MLLT3: variants seen among roughly 807,000 people sequenced by gnomAD.
MLLT3 encodes MLLT3 super elongation complex subunit.
A neutral mutation model predicts 53.2 loss-of-function variants in MLLT3; 4 were observed. The ratio of observed to expected loss-of-function variants is 0.08; its 90% confidence interval spans 0.04 to 0.17. MLLT3 has a LOEUF of 0.17. Ranked by LOEUF, MLLT3 falls within the 10% of genes least tolerant of loss-of-function variation. The pLI is 1.00. For synonymous variants in MLLT3, 283 were observed against 230.6 expected, an observed-to-expected ratio of 1.23 and a Z score of -2.06; for missense variants, 569 against 684.0, an observed-to-expected ratio of 0.83 and a Z score of 1.87.
intron 3 of MLLT3, among the ~76,000 whole-genome samples, chr9:20,450,087 C>T (rs1163541272): frequency 1.3e-5 from 2 of 152,156 alleles, no homozygotes; most frequent in Admixed American, 6.5e-5. Context: ...GTCTTTTGTC[C>T]TATCCTCTGT....
chr9:20,582,974 T>A (rs1819839626), intron 2 of MLLT3, among the ~76,000 whole-genome samples: 1 of 152,136 alleles, frequency 6.6e-6, no homozygotes, highest in African/African-American at 2.4e-5. Context: ...CCCCAAAGTC[T>A]TAACTCATTT....
At position 20,344,448 on chromosome 9, in the gene MLLT3, T is replaced by A. The variant is rs977925912; in HGVS notation, c.*1995A>T. ...TACCCTCCCCTTCCAGCTATAAAGTTAAAAACAAAACGCAACTGAAACCAC... is the reference window on the plus strand; with the variant it reads ...TACCCTCCCCTTCCAGCTATAAAGTAAAAAACAAAACGCAACTGAAACCAC... On this transcript the variant is annotated 3_prime_UTR_variant, in exon 11 of 11. Transcript: ENST00000380338. 1.4e-5 allele frequency: 3 copies of A among 218,058 alleles called. No individual in the cohort carries two copies. The highest frequency in any genetic ancestry group is 5.8e-5 in the Admixed American group (1 of 17,314). 13.5% of individuals were successfully genotyped at this position (218,058 alleles called of 1,614,324 possible).
At chr9:20,449,375 C>A (rs1287463953) in intron 3 of MLLT3, among the ~76,000 whole-genome samples, 1 of 152,108 alleles carries the variant, frequency 6.6e-6, no homozygotes, top group Non-Finnish European at 1.5e-5. Flanking sequence ...CAAAAGAATA[C>A]AATAATTAGA....
intron 5 of MLLT3, among the ~76,000 whole-genome samples, chr9:20,409,309 T>C (rs908469664): frequency 1.4e-4 from 21 of 152,170 alleles, no homozygotes; most frequent in Non-Finnish European, 2.6e-4. Context: ...ATACCAAACT[T>C]CTTCATATCA....
intron 4 of MLLT3, among the ~76,000 whole-genome samples, chr9:20,443,119 A>C (rs1195581258): frequency 6.6e-6 from 1 of 151,966 alleles, no homozygotes; most frequent in Non-Finnish European, 1.5e-5. Context: ...GGAGGGAGGG[A>C]GAGAAGGAAA....
intron 2 of MLLT3, among the ~76,000 whole-genome samples, chr9:20,565,691 A>G (rs1339889867): frequency 6.6e-6 from 1 of 151,350 alleles, no homozygotes; most frequent in Admixed American, 6.6e-5. Flanking sequence ...AAACTAATAT[A>G]TTCCAAATCC....
intron 5 of MLLT3, among the ~76,000 whole-genome samples, chr9:20,380,706 C>T (rs1821888946): frequency 6.6e-6 from 1 of 151,996 alleles, no homozygotes; most frequent in Non-Finnish European, 1.5e-5. Context: ...GGAGAAAACA[C>T]AGACCGTTCT....
intron 2 of MLLT3, among the ~76,000 whole-genome samples, chr9:20,485,933 G>A (rs1445617114): frequency 6.6e-6 from 1 of 152,104 alleles, no homozygotes; most frequent in Non-Finnish European, 1.5e-5. Flanking sequence ...ACTTCACGTG[G>A]TCTAAACCTT....
intron 8 of MLLT3, among the ~76,000 whole-genome samples, chr9:20,357,598 T>G (rs977327891): frequency 6.6e-6 from 1 of 152,246 alleles, no homozygotes; most frequent in South Asian, 2.1e-4. Flanking sequence ...TACTGATAGA[T>G]CTTTCATACT....
chr9:20,578,922 T>TTAAAA (rs1819721573), intron 2 of MLLT3, among the ~76,000 whole-genome samples: 1 of 152,184 alleles, frequency 6.6e-6, no homozygotes, highest in Non-Finnish European at 1.5e-5. Context: ...TAAAATTAAG[T>TTAAAA]TTACTTGTTT....
At chr9:20,481,641 C>G (rs1824665117) in intron 2 of MLLT3, among the ~76,000 whole-genome samples, 1 of 152,170 alleles carries the variant, frequency 6.6e-6, no homozygotes, top group Non-Finnish European at 1.5e-5. Context: ...CCATAGTACC[C>G]TGTACATCCC....
At chr9:20,394,160 G>A (rs1224843450) in intron 5 of MLLT3, among the ~76,000 whole-genome samples, 9 of 152,070 alleles carry the variant, frequency 5.9e-5, no homozygotes, top group Non-Finnish European at 1.0e-4. Flanking sequence ...ATAGGCTTCT[G>A]GATGCAGGCT....
chr9:20,557,987 T>C (rs1040975445), intron 2 of MLLT3, among the ~76,000 whole-genome samples: 4 of 152,210 alleles, frequency 2.6e-5, no homozygotes, highest in African/African-American at 7.2e-5. Context: ...GGATAGACGA[T>C]TGATACAGAC....
intron 5 of MLLT3, among the ~76,000 whole-genome samples, chr9:20,369,889 T>A (rs183863222): frequency 9.7e-4 from 148 of 152,332 alleles, no homozygotes; most frequent in South Asian, 2.5e-3. Context: ...AAATATGTGC[T>A]TGTGTCTGTA....
At chr9:20,358,971 C>A (rs917344583) in intron 8 of MLLT3, among the ~76,000 whole-genome samples, 3 of 151,744 alleles carry the variant, frequency 2.0e-5, no homozygotes, top group Middle Eastern at 3.4e-3. Flanking sequence ...ATGGTGAAAC[C>A]CCGTCTCTAC....
At chr9:20,508,951 C>A (rs749276147) in intron 2 of MLLT3, among the ~76,000 whole-genome samples, 1 of 152,090 alleles carries the variant, frequency 6.6e-6, no homozygotes, top group African/African-American at 2.4e-5. Context: ...TTTTTAAAGT[C>A]TGGTGATTGT....
At chr9:20,428,333 T>A (rs1823186223) in intron 4 of MLLT3, among the ~76,000 whole-genome samples, 1 of 152,032 alleles carries the variant, frequency 6.6e-6, no homozygotes, top group Non-Finnish European at 1.5e-5. Flanking sequence ...TCCACAGGAT[T>A]TATATCAGGA....
chr9:20,357,320 G>A (rs1198227361), intron 8 of MLLT3, among the ~76,000 whole-genome samples: 1 of 152,100 alleles, frequency 6.6e-6, no homozygotes, highest in South Asian at 2.1e-4. Context: ...TTCACATAAG[G>A]GAGGTTTGGA....
chr9:20,381,722 T>C (rs1299763132), intron 5 of MLLT3, among the ~76,000 whole-genome samples: 1 of 151,952 alleles, frequency 6.6e-6, no homozygotes, highest in Admixed American at 6.6e-5. Flanking sequence ...GGATACTCTG[T>C]TATTTTTCTG....
Sources: gnomAD v4.1 joint callset for allele counts (sites outside exome capture counted in the v4.1 genomes callset) on GRCh38, gnomAD v4.1.1 for gene constraint, MANE v1.5 for transcripts, NCBI Gene and HGNC (gene_info 2026-07-23, HGNC 2026-07-21) for gene names.